CACNA2D2: variants seen among roughly 807,000 people sequenced by gnomAD.
CACNA2D2 encodes the protein calcium voltage-gated channel auxiliary subunit alpha2delta 2.
A neutral mutation model predicts 166.4 loss-of-function variants in CACNA2D2; 48 were observed. The observed-to-expected ratio is 0.29, with a 90% CI of 0.23 to 0.37. CACNA2D2 has a LOEUF of 0.37. CACNA2D2 is among the 10% of genes least tolerant of loss of function. The pLI is 1.00. For synonymous variants in CACNA2D2, 561 were observed against 573.7 expected (o/e 0.98, Z 0.32); for missense variants, 1,122 against 1,433.0 (o/e 0.78, Z 3.50).
chr3:50,368,704 G>A (rs1274378535), intron 23 of CACNA2D2, among the ~76,000 whole-genome samples: 1 of 152,218 alleles, frequency 6.6e-6, no homozygotes, highest in Admixed American at 6.5e-5. Context: ...CACGCTCTCT[G>A]ACCCTCGCTT....
chr3:50,370,953 G>A (rs1329324584), intron 22 of CACNA2D2, among the ~76,000 whole-genome samples: 5 of 152,084 alleles, frequency 3.3e-5, no homozygotes, highest in African/African-American at 9.7e-5. Context: ...TGGCCAAACC[G>A]AGGGGGTTTC....
chr3:50,503,039 A>G (rs532500130), intron 1 of CACNA2D2, among the ~76,000 whole-genome samples, 179 bp downstream of exon 1: 1 of 152,156 alleles, frequency 6.6e-6, no homozygotes, highest in East Asian at 1.9e-4. Context: ...ACGCAGCCAG[A>G]GCGCCGGGAC....
intron 2 of CACNA2D2, among the ~76,000 whole-genome samples, chr3:50,446,079 C>A (rs1375714711): frequency 6.6e-6 from 1 of 152,272 alleles, no homozygotes; most frequent in Non-Finnish European, 1.5e-5. Flanking sequence ...CCCGGCCACA[C>A]TGGCAAACAC....
chr3:50,374,915 C>T, intron 21 of CACNA2D2, 102 bp from the exon 22 acceptor site: 1 of 921,414 alleles, frequency 1.1e-6, no homozygotes, highest in South Asian at 1.4e-5. Context: ...GCTGCAGCAT[C>T]CCCTCCTCCC....
chr3:50,464,834 C>CCTGCTCCCA (rs1324973941), intron 2 of CACNA2D2, among the ~76,000 whole-genome samples: 1 of 152,190 alleles, frequency 6.6e-6, no homozygotes, highest in Non-Finnish European at 1.5e-5. Flanking sequence ...AGGGAAAATA[C>CCTGCTCCCA]CTGCTCCCAC....
intron 2 of CACNA2D2, among the ~76,000 whole-genome samples, chr3:50,457,475 C>G (rs1483927680): frequency 6.6e-6 from 1 of 152,190 alleles, no homozygotes; most frequent in Non-Finnish European, 1.5e-5. Flanking sequence ...GTGCTACACC[C>G]TGCTCACCCT....
At chr3:50,408,956 G>A in intron 3 of CACNA2D2, among the ~76,000 whole-genome samples, 1 of 152,180 alleles carries the variant, frequency 6.6e-6, no homozygotes, top group Non-Finnish European at 1.5e-5. Context: ...CTGGGACAAG[G>A]GTCTGTTATC....
intron 1 of CACNA2D2, among the ~76,000 whole-genome samples, chr3:50,479,379 C>A (rs1697945726): frequency 6.6e-6 from 1 of 152,234 alleles, no homozygotes; most frequent in African/African-American, 2.4e-5. Flanking sequence ...CATTGCCCAT[C>A]AGCACAGTGC....
In CACNA2D2 at chr3:50,366,493, G is replaced by C. The variant is rs998350481; in HGVS notation, c.2637+85C>G. On this transcript the variant is annotated intron_variant, in intron 30 of 37. Coordinates refer to ENST00000424201, the MANE Select transcript of CACNA2D2 (RefSeq NM_006030.4). The surrounding 1 kb of genome is among the most constrained non-coding windows in gnomAD (Gnocchi z 5.9). The stretch of plus-strand genomic sequence containing the variant: ...GGGGATGTTGAGACCCACAGGCCAA[G>C]GGATGTGCTGGGAGTCGCGGCTGGG... 120 of 1,517,080 alleles carry C rather than the reference G, an allele frequency of 7.9e-5. No individual in the cohort carries two copies. Among genetic ancestry groups the C allele is most frequent in the Non-Finnish European group, 9.7e-5 (106 of 1,092,160 alleles). 94.0% of individuals were successfully genotyped at this position (1,517,080 alleles called of 1,614,324 possible).
chr3:50,378,408 G>A (rs1705106393), intron 13 of CACNA2D2, 75 bp from the exon 14 acceptor site: 2 of 1,438,826 alleles, frequency 1.4e-6, no homozygotes, highest in Admixed American at 3.9e-5. Flanking sequence ...CTGCCCCTGG[G>A]GTGTGTCTGC....
In CACNA2D2 at chr3:50,368,000, A is replaced by G. The variant is rs1704441880; in HGVS notation, c.2144-98T>C. On this transcript the variant is annotated intron_variant, in intron 24 of 37. Transcript: ENST00000424201. The surrounding 1 kb of genome is among the most constrained non-coding windows in gnomAD (Gnocchi z 6.5). ...TAAGGCTCCACCAGGAGCCTCCTCC[A>G]TGACCTGGCCCTGGCCCAGGCCCAG... 1 of 1,145,816 alleles carries G rather than the reference A, an allele frequency of 8.7e-7. No individual in the cohort carries two copies. Among genetic ancestry groups the G allele is most frequent in the African/African-American group, 1.5e-5 (1 of 64,638 alleles). The allele number at this position is 1,145,816 out of a possible 1,614,324, so 71.0% of individuals were successfully genotyped here.
chr3:50,421,033 C>T (rs546847017), intron 3 of CACNA2D2, among the ~76,000 whole-genome samples: 54 of 152,322 alleles, frequency 3.5e-4, no homozygotes, highest in Admixed American at 8.5e-4. Context: ...TCTCTGACAC[C>T]CTCAGGCCCT....
chr3:50,395,556 A>G (rs972988797), intron 3 of CACNA2D2, among the ~76,000 whole-genome samples: 1 of 152,086 alleles, frequency 6.6e-6, no homozygotes, highest in African/African-American at 2.4e-5. Context: ...GGTATTCAGG[A>G]CACCTCACCC....
chr3:50,450,613 C>G (rs1359885137), intron 2 of CACNA2D2, among the ~76,000 whole-genome samples: 5 of 152,096 alleles, frequency 3.3e-5, no homozygotes, highest in African/African-American at 1.2e-4. Flanking sequence ...CCGCCACAGC[C>G]AAATATTGTA....
intron 2 of CACNA2D2, among the ~76,000 whole-genome samples, chr3:50,462,076 G>A (rs1414621745): frequency 6.6e-5 from 10 of 152,132 alleles, no homozygotes; most frequent in Admixed American, 3.3e-4. Context: ...AAGGTTCACA[G>A]AAGACTAAAC....
intron 14 of CACNA2D2, 54 bp downstream of exon 14, chr3:50,378,230 A>G (rs929475501): frequency 1.3e-6 from 2 of 1,550,336 alleles, no homozygotes; most frequent in African/African-American, 2.7e-5. Flanking sequence ...CATGGCACAC[A>G]GCGTCCCTGC....
Position 50,368,316 on chromosome 3 carries a change from T to C in CACNA2D2, c.2046-81A>G, listed in dbSNP as rs962625832. The C allele has an allele frequency of 7.4e-5, 64 of 870,374 alleles. 1 individual carries two copies. In the East Asian group the frequency reaches 1.3e-3, roughly 18 times the overall value. 53.9% of individuals were successfully genotyped at this position (870,374 alleles called of 1,614,324 possible). The stretch of plus-strand genomic sequence containing the variant: ...GGTCAAGGCTTCCCAACAGGCCCAC[T>C]TGGCCATTCACTGAGAAGCCTGGGC... On this transcript the variant is annotated intron_variant, in intron 23 of 37. Coordinates refer to ENST00000424201, the MANE Select transcript of CACNA2D2 (RefSeq NM_006030.4).
chr3:50,369,306 C>T (rs961586830), intron 23 of CACNA2D2, among the ~76,000 whole-genome samples: 1 of 152,250 alleles, frequency 6.6e-6, no homozygotes, highest in Admixed American at 6.5e-5. Flanking sequence ...CTCTTCTGAG[C>T]CACAGACACA....
intron 1 of CACNA2D2, among the ~76,000 whole-genome samples, chr3:50,483,854 T>C (rs751584095): frequency 1.1e-4 from 16 of 152,176 alleles, no homozygotes; most frequent in Non-Finnish European, 2.1e-4. Context: ...CTCACTGCAC[T>C]GCCTTAATTC....
Sources: allele counts gnomAD v4.1 joint callset (sites outside exome capture counted in the v4.1 genomes callset), GRCh38; gene constraint gnomAD v4.1.1; non-coding constraint Gnocchi (gnomAD v3.1); transcripts MANE v1.5; gene names NCBI Gene and HGNC (gene_info 2026-07-23, HGNC 2026-07-21).